ZNF106: variants seen among roughly 807,000 people sequenced by gnomAD.
ZNF106 encodes the protein zinc finger protein 106.
In ZNF106, 67 loss-of-function variants were observed where a neutral mutation model predicts 195.1. The ratio of observed to expected loss-of-function variants is 0.34; its 90% CI spans 0.28 to 0.42. The LOEUF (loss-of-function observed/expected upper bound fraction) is 0.42, where lower values mean the gene tolerates loss of function less well. ZNF106 is among the 10% of genes least tolerant of loss of function. The pLI is 1.00. For missense variants in ZNF106, 2,118 were observed against 2,304.5 expected (o/e 0.92, Z 1.66); for synonymous variants, 784 against 818.6 (o/e 0.96, Z 0.72).
chr15:42,421,116 T>A lies in ZNF106; in HGVS notation c.5462A>T (p.Tyr1821Phe), dbSNP rs1595860921. Residue 1821 changes from tyrosine to phenylalanine, a missense_variant, in exon 20 of 22, where the codon TAT becomes TTT. Coordinates refer to ENST00000564754, the MANE Select transcript of ZNF106 (RefSeq NM_001366845.3). The stretch of plus-strand genomic sequence containing the variant: ...CCTCACGGCCTGAATACTGCCATCA[T>A]AACAGCCAGTGTAAATCTGGAGAAA... Reference protein sequence around the residue: ...IHKSMIYTGCYDGSIQAVRLN... With the variant: ...IHKSMIYTGCFDGSIQAVRLN... 6.2e-7 allele frequency: 1 copy of A among 1,614,120 alleles called. No homozygotes were observed. The highest frequency in any genetic ancestry group is 8.5e-7 in the Non-Finnish European group (1 of 1,180,024).
chr15:42,435,022 C>A (rs1160914838), intron 14 of ZNF106, among the ~76,000 whole-genome samples: 1 of 152,210 alleles, frequency 6.6e-6, no homozygotes, highest in African/African-American at 2.4e-5. Flanking sequence ...AATCCACCCG[C>A]CTCTGCCTCC....
At chr15:42,420,462 C>T (rs573922762) in intron 20 of ZNF106, among the ~76,000 whole-genome samples, 1 of 152,174 alleles carries the variant, frequency 6.6e-6, no homozygotes, top group East Asian at 1.9e-4. Context: ...ATGTAAAGAG[C>T]TAAAAAGTCA....
intron 3 of ZNF106, among the ~76,000 whole-genome samples, chr15:42,462,013 T>C (rs2056402398): frequency 6.6e-6 from 1 of 152,230 alleles, no homozygotes; most frequent in Non-Finnish European, 1.5e-5. Context: ...CATGATTTGT[T>C]ACAGGTCAGG....
intron 15 of ZNF106, chr15:42,427,448 G>C (rs571451793): frequency 1.8e-4 from 28 of 152,442 alleles, no homozygotes; most frequent in African/African-American, 6.5e-4. Flanking sequence ...TCTGGTTTAG[G>C]AAAGAATGAA....
chr15:42,449,652 AAC>A (rs1450920518), intron 5 of ZNF106, 117 bp downstream of exon 5: 10 of 1,342,468 alleles, frequency 7.4e-6, no homozygotes, highest in Non-Finnish European at 9.1e-6. Flanking sequence ...AGACATCTAC[AAC>A]AGATATTGTT....
chr15:42,443,303 T>C (rs1218296603), intron 9 of ZNF106, among the ~76,000 whole-genome samples: 2 of 152,142 alleles, frequency 1.3e-5, no homozygotes, highest in African/African-American at 4.8e-5. Flanking sequence ...TTGCTAAACA[T>C]TTTTGGGATG....
chr15:42,472,478 G>A (rs1257376904), intron 1 of ZNF106, among the ~76,000 whole-genome samples, 157 bp from the exon 2 acceptor site: 1 of 151,906 alleles, frequency 6.6e-6, no homozygotes, highest in Non-Finnish European at 1.5e-5. Context: ...AACATTTTGG[G>A]AGCCATCCTT....
In ZNF106 at chr15:42,471,208, C is replaced by T. The variant is rs115586542; in HGVS notation, c.54+1028G>A. On this transcript the variant is annotated intron_variant, in intron 2 of 21. Coordinates refer to ENST00000564754, the MANE Select transcript of ZNF106 (RefSeq NM_001366845.3). ...CTCTTCCTCGTTTCTCTTAAACCAT[C>T]GTTACTCTAGACACTTTTCAAAGTT... is the stretch of plus-strand genomic sequence containing the variant. Among the ~76,000 whole-genome samples the T allele has an allele frequency of 4.7e-3, 716 of 152,286 alleles. 7 individuals carry two copies. Among genetic ancestry groups the T allele is most frequent in the African/African-American group, 0.017 (688 of 41,554 alleles).
At chr15:42,475,095 G>T (rs1306578249) in intron 1 of ZNF106, among the ~76,000 whole-genome samples, 2 of 152,152 alleles carry the variant, frequency 1.3e-5, no homozygotes, top group African/African-American at 4.8e-5. Flanking sequence ...GTGATTACTC[G>T]GCAGTTTTCT....
Position 42,448,157 on chromosome 15 carries a change from G to C in ZNF106, c.3050C>G (p.Ala1017Gly). The change falls in exon 6 of 22, where the codon GCG becomes GGG. Residue 1017 changes from alanine to glycine, a missense_variant. Physicochemically the swap from Ala to Gly is moderately conservative, Grantham distance 60. Coordinates refer to ENST00000564754, the MANE Select transcript of ZNF106 (RefSeq NM_001366845.3). ...ACAGCTACTATCTGTGGCTGCATCC[G>C]CTAAACTGGAGATCGCAAGGGCTGA... Reference protein sequence around the residue: ...ASSALAISSLADAATDSSCTS... With the variant: ...ASSALAISSLGDAATDSSCTS... 2 of 1,614,112 alleles carry C rather than the reference G, an allele frequency of 1.2e-6. No individual in the cohort carries two copies. Among genetic ancestry groups the C allele is most frequent in the Non-Finnish European group, 1.7e-6 (2 of 1,180,008 alleles).
At chr15:42,472,443 T>G (rs1421617818) in intron 1 of ZNF106, 122 bp from the exon 2 acceptor site, 3 of 672,030 alleles carry the variant, frequency 4.5e-6, no homozygotes, top group African/African-American at 3.6e-5. Flanking sequence ...CCCCCAGATC[T>G]TTCCGTTTCC....
chr15:42,428,507 G>A (rs1446189506), intron 14 of ZNF106, among the ~76,000 whole-genome samples: 6 of 152,116 alleles, frequency 3.9e-5, no homozygotes, highest in Non-Finnish European at 7.4e-5. Context: ...TTATATATTT[G>A]ATAAATGCAC....
At chr15:42,478,447 C>A (rs2056830624) in intron 1 of ZNF106, among the ~76,000 whole-genome samples, 1 of 152,054 alleles carries the variant, frequency 6.6e-6, no homozygotes, top group South Asian at 2.1e-4. Flanking sequence ...CAGGCATGAG[C>A]CACTGTGCCC....
rs770250850 is a variant in ZNF106 at position 42,439,506 on chromosome 15, T to C, written c.4071A>G (p.Glu1357=). 1 of 1,614,208 alleles carries C rather than the reference T, an allele frequency of 6.2e-7. No homozygotes were observed. The highest frequency in any genetic ancestry group is 8.5e-7 in the Non-Finnish European group (1 of 1,180,036). Residue 1357 remains glutamate (E), a synonymous_variant, in exon 11 of 22, where the codon GAA becomes GAG. Coordinates refer to ENST00000564754, the MANE Select transcript of ZNF106 (RefSeq NM_001366845.3). The part of the protein sequence containing the change: ...KEPHSPADQP[E]QQAESTLTSA... ...ATGTCAAAGTGGATTCTGCCTGTTG[T>C]TCAGGCTGGTCAGCTGGAGAGTGGG...
At chr15:42,420,257 C>T (rs948057423) in intron 20 of ZNF106, among the ~76,000 whole-genome samples, 2 of 152,012 alleles carry the variant, frequency 1.3e-5, no homozygotes, top group African/African-American at 4.8e-5. Context: ...TCCTGCCATC[C>T]CACTCCATCT....
chr15:42,430,655 G>T (rs2055016961), intron 14 of ZNF106, among the ~76,000 whole-genome samples: 1 of 151,952 alleles, frequency 6.6e-6, no homozygotes, highest in Admixed American at 6.6e-5. Flanking sequence ...AAAGTGTTAA[G>T]ATTATAGGCA....
chr15:42,478,295 C>A (rs2056827211), intron 1 of ZNF106, among the ~76,000 whole-genome samples: 1 of 152,090 alleles, frequency 6.6e-6, no homozygotes, highest in African/African-American at 2.4e-5. Context: ...TCCCAAGTAG[C>A]TGGGACTACA....
intron 17 of ZNF106, among the ~76,000 whole-genome samples, 179 bp from the exon 18 acceptor site, chr15:42,422,799 T>C (rs2054717824): frequency 1.3e-5 from 2 of 151,032 alleles, no homozygotes; most frequent in African/African-American, 2.4e-5. Context: ...ATAGCAGAAG[T>C]ATCCCACAAT....
At chr15:42,434,108 A>C (rs1231190702) in intron 14 of ZNF106, among the ~76,000 whole-genome samples, 5 of 152,116 alleles carry the variant, frequency 3.3e-5, no homozygotes, top group Non-Finnish European at 7.4e-5. Flanking sequence ...TGGCCTCCCA[A>C]AGTGCTGGGA....
Sources: allele counts gnomAD v4.1 joint callset (sites outside exome capture counted in the v4.1 genomes callset), GRCh38; gene constraint gnomAD v4.1.1; transcripts MANE v1.5; gene names NCBI Gene and HGNC (gene_info 2026-07-23, HGNC 2026-07-21).